The following CPA6 variants were observed in gnomAD, a reference collection of about 807,000 sequenced individuals.
CPA6 encodes the protein carboxypeptidase A6.
In CPA6, 58 loss-of-function variants were observed where a neutral mutation model predicts 63.3. That is an observed-to-expected ratio of 0.92 (90% CI 0.74 to 1.14). The LOEUF is 1.14. Ranked by LOEUF, CPA6 falls within the 50% of genes most tolerant of loss-of-function variation. CPA6 has a pLI of 0.00. For synonymous variants in CPA6, 185 were observed against 179.0 expected (o/e 1.03, Z -0.27); for missense variants, 565 against 526.6 (o/e 1.07, Z -0.71).
intron 2 of CPA6, among the ~76,000 whole-genome samples, chr8:67,574,633 G>T (rs899805688): frequency 3.3e-5 from 5 of 152,112 alleles, no homozygotes; most frequent in African/African-American, 7.2e-5. Flanking sequence ...AATATACAAT[G>T]GGAAAAGGAC....
rs74420590 is a variant in CPA6 at position 67,427,597 on chromosome 8, T to C, written c.1126+450A>G. Among the ~76,000 whole-genome samples the C allele has an allele frequency of 9.2e-3, 1,402 of 152,248 alleles. 16 individuals are homozygous for C. The highest frequency in any genetic ancestry group is 0.032 in the African/African-American group (1,320 of 41,528). On this transcript the variant is annotated intron_variant, in intron 10 of 10. Transcript: ENST00000297770. ...AAAAGAAATACTTTTACATCATCTT[T>C]TAAGGGATAATTCAATGGACGGTGC...
chr8:67,620,153 C>G (rs571934367), intron 2 of CPA6, among the ~76,000 whole-genome samples: 22 of 152,168 alleles, frequency 1.4e-4, no homozygotes, highest in Non-Finnish European at 2.9e-4. Context: ...GCTCGTGACT[C>G]TCATGGATAG....
intron 1 of CPA6, among the ~76,000 whole-genome samples, chr8:67,713,695 C>A (rs1817320513): frequency 6.6e-6 from 1 of 152,180 alleles, no homozygotes; most frequent in Non-Finnish European, 1.5e-5. Flanking sequence ...TTGCAGTTTC[C>A]ATCATAGCAT....
At chr8:67,486,506 C>T (rs765483083) in intron 6 of CPA6, among the ~76,000 whole-genome samples, 6 of 152,162 alleles carry the variant, frequency 3.9e-5, no homozygotes, top group Non-Finnish European at 8.8e-5. Flanking sequence ...ATGATGAAAT[C>T]GCTTAATGAC....
intron 2 of CPA6, among the ~76,000 whole-genome samples, chr8:67,607,169 CTCT>C (rs1211819002): frequency 0.019 from 524 of 28,278 alleles, 15 homozygotes; most frequent in Non-Finnish European, 0.021. Context: ...CTTCTTCTTC[CTCT>C]TCTTCTTCTT....
chr8:67,505,202 T>C (rs1446942586), intron 6 of CPA6, among the ~76,000 whole-genome samples: 1 of 152,222 alleles, frequency 6.6e-6, no homozygotes, highest in Non-Finnish European at 1.5e-5. Flanking sequence ...TTCCACATCA[T>C]TACCACTGAA....
chr8:67,673,772 C>A (rs1418962882), intron 1 of CPA6, among the ~76,000 whole-genome samples: 1 of 152,104 alleles, frequency 6.6e-6, no homozygotes, highest in Non-Finnish European at 1.5e-5. Context: ...CTATAAAATT[C>A]ATTTAACAAA....
At chr8:67,633,711 G>A (rs975071323) in intron 1 of CPA6, among the ~76,000 whole-genome samples, 1 of 150,632 alleles carries the variant, frequency 6.6e-6, no homozygotes, top group South Asian at 2.1e-4. Flanking sequence ...AATTTTCTTC[G>A]TCAGATTTTT....
rs528681464 is a variant in CPA6 at position 67,558,331 on chromosome 8, A to G, written c.193-40284T>C. Among the ~76,000 whole-genome samples the G allele has an allele frequency of 5.9e-5, 9 of 152,204 alleles. No homozygotes were observed. The East Asian group carries it at 1.7e-3, about 29-fold the overall frequency. ...TATTTCTTTCGTAGCCTTTATCACC[A>G]TCTGTAGCTATCTTGTTTACTTTTT... On this transcript the variant is annotated intron_variant, in intron 2 of 10. Transcript: ENST00000297770.
At chr8:67,534,252 G>C (rs775055965) in intron 2 of CPA6, among the ~76,000 whole-genome samples, 1 of 152,076 alleles carries the variant, frequency 6.6e-6, no homozygotes, top group South Asian at 2.1e-4. Flanking sequence ...CATGGATACT[G>C]TCCAATCACA....
At chr8:67,697,256 C>T (rs1182938299) in intron 1 of CPA6, among the ~76,000 whole-genome samples, 2 of 152,210 alleles carry the variant, frequency 1.3e-5, no homozygotes, top group South Asian at 2.1e-4. Context: ...GGGGCTGCTG[C>T]TCTCCACGGA....
intron 9 of CPA6, among the ~76,000 whole-genome samples, chr8:67,430,248 C>A (rs944670055): frequency 2.0e-5 from 3 of 148,972 alleles, no homozygotes; most frequent in Non-Finnish European, 3.0e-5. Context: ...GGCGTGATCT[C>A]GGCTTACTGC....
chr8:67,656,848 G>A (rs1815997477), intron 1 of CPA6, among the ~76,000 whole-genome samples: 2 of 152,174 alleles, frequency 1.3e-5, no homozygotes, highest in South Asian at 4.1e-4. Context: ...GAGTGCTGGA[G>A]CCAAATGGAT....
intron 1 of CPA6, among the ~76,000 whole-genome samples, chr8:67,694,275 G>A (rs934850559): frequency 1.3e-5 from 2 of 152,240 alleles, no homozygotes; most frequent in Non-Finnish European, 1.5e-5. Context: ...TGGCAGGCCT[G>A]TATAGGTAAA....
chr8:67,428,515 G>T (rs968784882), intron 9 of CPA6, among the ~76,000 whole-genome samples: 2 of 151,754 alleles, frequency 1.3e-5, no homozygotes, highest in Non-Finnish European at 2.9e-5. Context: ...AAGGAGTCTC[G>T]CTCTGTCGCC....
chr8:67,474,632 A>G (rs1387710207), intron 8 of CPA6, among the ~76,000 whole-genome samples: 1 of 152,172 alleles, frequency 6.6e-6, no homozygotes, highest in Non-Finnish European at 1.5e-5. Context: ...ATTCTTAGAG[A>G]AACTGAAAGG....
At chr8:67,505,724 T>C (rs1811913691) in intron 6 of CPA6, among the ~76,000 whole-genome samples, 1 of 152,172 alleles carries the variant, frequency 6.6e-6, no homozygotes, top group South Asian at 2.1e-4. Flanking sequence ...AAGCATACTT[T>C]TGTGGTTTTG....
intron 1 of CPA6, among the ~76,000 whole-genome samples, chr8:67,662,750 A>T (rs1816146207): frequency 6.6e-6 from 1 of 152,028 alleles, no homozygotes; most frequent in African/African-American, 2.4e-5. Flanking sequence ...GCGCTTTATT[A>T]TTGTGTTGTT....
chr8:67,454,483 A>G (rs889710404), intron 8 of CPA6, among the ~76,000 whole-genome samples: 2 of 152,222 alleles, frequency 1.3e-5, no homozygotes, highest in Non-Finnish European at 2.9e-5. Context: ...GGGAACAAGC[A>G]AAAAACAACA....
Sources: gnomAD v4.1 joint callset for allele counts (sites outside exome capture counted in the v4.1 genomes callset) on GRCh38, gnomAD v4.1.1 for gene constraint, MANE v1.5 for transcripts, NCBI Gene and HGNC (gene_info 2026-07-23, HGNC 2026-07-21) for gene names.